The following NTM variants were observed in gnomAD, a reference collection of about 807,000 sequenced individuals.
The protein encoded by NTM is neurotrimin, also known as IgLON family member 2.
A neutral mutation model predicts 42.1 loss-of-function variants in NTM; 13 were observed. The ratio of observed to expected loss-of-function variants is 0.31; its 90% CI spans 0.20 to 0.49. The LOEUF (loss-of-function observed/expected upper bound fraction) is 0.49, where lower values mean the gene tolerates loss of function less well. Among genes scored for constraint, NTM ranks in the 20% least tolerant of loss-of-function variants. NTM has a pLI of 0.99. For synonymous variants in NTM, 187 were observed against 179.2 expected, an observed-to-expected ratio of 1.04 and a Z score of -0.35; for missense variants, 373 against 452.8, an observed-to-expected ratio of 0.82 and a Z score of 1.60.
At position 132,336,445 on chromosome 11, in the gene NTM, C is replaced by A. The variant is rs114347031; in HGVS notation, c.*1299C>A. 5.3e-5 allele frequency: 8 copies of A among 152,100 alleles called. No homozygotes were observed. Among genetic ancestry groups the A allele is most frequent in the Non-Finnish European group, 8.8e-5 (6 of 67,978 alleles). 9.4% of individuals were successfully genotyped at this position (152,100 alleles called of 1,614,324 possible). On this transcript the variant is annotated 3_prime_UTR_variant, in exon 9 of 9. Coordinates refer to ENST00000683400, the MANE Select transcript of NTM (RefSeq NM_001352005.2). Reference sequence around the variant, plus strand: ...CAGCATCTTTCCAGGTGTGGCTCTGCGCTAGGCCACCCCAGGTGGCCCCGC... The same window carrying A: ...CAGCATCTTTCCAGGTGTGGCTCTGAGCTAGGCCACCCCAGGTGGCCCCGC...
At chr11:131,945,064 A>T (rs1211538691) in intron 2 of NTM, among the ~76,000 whole-genome samples, 1 of 151,910 alleles carries the variant, frequency 6.6e-6, no homozygotes, top group Non-Finnish European at 1.5e-5. Context: ...GTTTTGTTTT[A>T]TTTTCCCCTT....
At chr11:132,294,783 C>T (rs765614822) in intron 4 of NTM, among the ~76,000 whole-genome samples, 1 of 152,118 alleles carries the variant, frequency 6.6e-6, no homozygotes, top group Admixed American at 6.5e-5. Flanking sequence ...AATCTCACTC[C>T]TTGCAATCAT....
At chr11:132,191,367 C>A (rs1249939168) in intron 3 of NTM, among the ~76,000 whole-genome samples, 1 of 152,212 alleles carries the variant, frequency 6.6e-6, no homozygotes, top group Non-Finnish European at 1.5e-5. Flanking sequence ...AAGCCACAGA[C>A]CAAGTTCCAG....
intron 2 of NTM, among the ~76,000 whole-genome samples, chr11:132,070,140 C>A (rs1403213582): frequency 1.4e-5 from 2 of 143,262 alleles, no homozygotes; most frequent in African/African-American, 5.3e-5. Flanking sequence ...GTCACACAGC[C>A]AAGTTAACAC....
rs758448012 is a variant in NTM, at chr11:132,212,152, G to C, written c.526+5G>C. 6.2e-7 allele frequency: 1 copy of C among 1,609,150 alleles called. No individual in the cohort carries two copies. Among genetic ancestry groups the C allele is most frequent in the Admixed American group, 1.7e-5 (1 of 58,886 alleles). On this transcript the variant is annotated splice_donor_5th_base_variant and intron_variant, in intron 4 of 8. Transcript: ENST00000683400. Reference sequence around the variant, plus strand: ...GGAGACACATCTCTCCCAAAGGTAAGAGAACAGTTTGTTGCATTGCATCAT... The same window carrying C: ...GGAGACACATCTCTCCCAAAGGTAACAGAACAGTTTGTTGCATTGCATCAT...
At chr11:131,679,511 G>A (rs559006298) in intron 1 of NTM, among the ~76,000 whole-genome samples, 9 of 152,088 alleles carry the variant, frequency 5.9e-5, no homozygotes, top group South Asian at 2.1e-4. Context: ...ACTTCTGGGC[G>A]TGGACACAGA....
At chr11:132,054,962 C>T (rs1475460970) in intron 2 of NTM, among the ~76,000 whole-genome samples, 15 of 152,102 alleles carry the variant, frequency 9.9e-5, no homozygotes, top group African/African-American at 1.7e-4. Flanking sequence ...AGGGAGGAAA[C>T]GGTGGTACTG....
At chr11:131,737,069 T>G (rs574389262) in intron 1 of NTM, among the ~76,000 whole-genome samples, 2 of 152,282 alleles carry the variant, frequency 1.3e-5, no homozygotes, top group South Asian at 2.1e-4. Context: ...ACGCTGCTAC[T>G]TCTGGATGTC....
intron 1 of NTM, among the ~76,000 whole-genome samples, chr11:131,711,284 G>GA (rs2077095815): frequency 1.3e-5 from 2 of 151,942 alleles, no homozygotes; most frequent in South Asian, 2.1e-4. Flanking sequence ...AAATTTACAA[G>GA]AAAAAAACAA....
At chr11:131,455,763 G>T (rs1472917386) in intron 1 of NTM, among the ~76,000 whole-genome samples, 1 of 152,206 alleles carries the variant, frequency 6.6e-6, no homozygotes, top group African/African-American at 2.4e-5. Flanking sequence ...TGGAGGCCTT[G>T]CAAGGAGGAC....
chr11:131,576,165 A>C (rs1287294156), intron 1 of NTM, among the ~76,000 whole-genome samples: 1 of 152,156 alleles, frequency 6.6e-6, no homozygotes, highest in Non-Finnish European at 1.5e-5. Context: ...CCCAGCCCCC[A>C]GACCATAAAT....
chr11:131,511,165 A>G (rs368143617), intron 1 of NTM, among the ~76,000 whole-genome samples: 4 of 137,628 alleles, frequency 2.9e-5, no homozygotes, highest in African/African-American at 1.1e-4. Flanking sequence ...CTCATCGTAC[A>G]CTCCTCTGAG....
intron 1 of NTM, among the ~76,000 whole-genome samples, chr11:131,908,426 T>G (rs1190876525): frequency 6.6e-6 from 1 of 152,258 alleles, no homozygotes; most frequent in African/African-American, 2.4e-5. Flanking sequence ...AATGCTCCTT[T>G]GTACCTACCT....
chr11:131,598,740 T>TTTC (rs1372865653), intron 1 of NTM, among the ~76,000 whole-genome samples: 5 of 81,956 alleles, frequency 6.1e-5, no homozygotes, highest in Non-Finnish European at 8.2e-5. Flanking sequence ...TCTTTCTTTC[T>TTTC]TTCTTTCTTT....
intron 1 of NTM, among the ~76,000 whole-genome samples, chr11:131,819,368 C>T (rs1028084489): frequency 1.3e-5 from 2 of 152,108 alleles, no homozygotes; most frequent in Non-Finnish European, 2.9e-5. Flanking sequence ...TTAAAAGATG[C>T]CCTAGATGAT....
Position 131,852,960 on chromosome 11 carries a change from A to T in NTM, c.83-58604A>T, listed in dbSNP as rs140044172. Among the ~76,000 whole-genome samples, 706 of 146,106 alleles carry T rather than the reference A, an allele frequency of 4.8e-3. 11 individuals are homozygous for T. Among genetic ancestry groups the T allele is most frequent in the African/African-American group, 0.018 (655 of 36,888 alleles). On this transcript the variant is annotated intron_variant, in intron 1 of 8. Coordinates refer to ENST00000683400, the MANE Select transcript of NTM (RefSeq NM_001352005.2). ...CATCCACCCACCCATTCATCCACTC[A>T]TCCATCCACCCATTTATTCACCCAC... is the stretch of plus-strand genomic sequence containing the variant.
intron 2 of NTM, among the ~76,000 whole-genome samples, chr11:131,928,756 G>A (rs375609528): frequency 6.6e-6 from 1 of 150,998 alleles, no homozygotes; most frequent in Admixed American, 6.6e-5. Flanking sequence ...TTTGTTTTCT[G>A]TGGTCTCCCG....
intron 1 of NTM, among the ~76,000 whole-genome samples, chr11:131,820,834 C>A (rs777278291): frequency 6.6e-6 from 1 of 152,074 alleles, no homozygotes; most frequent in Non-Finnish European, 1.5e-5. Context: ...CTTAGCAATC[C>A]ATTTGTCGGA....
At chr11:131,421,382 G>A (rs374614937) in intron 1 of NTM, among the ~76,000 whole-genome samples, 10 of 152,328 alleles carry the variant, frequency 6.6e-5, no homozygotes, top group African/African-American at 9.6e-5. Context: ...CCTGGAGGCC[G>A]GTGTGCAGCC....
Sources: gnomAD v4.1 joint callset for allele counts (sites outside exome capture counted in the v4.1 genomes callset) on GRCh38, gnomAD v4.1.1 for gene constraint, MANE v1.5 for transcripts, NCBI Gene and HGNC (gene_info 2026-07-23, HGNC 2026-07-21) for gene names.